DOK6: variants seen among roughly 807,000 people sequenced by gnomAD.
DOK6 encodes docking protein 6, also known as downstream of tyrosine kinase 6.
Under a neutral mutation model 44.0 loss-of-function variants are expected in DOK6, and 22 were observed. That is an observed-to-expected ratio of 0.50 (90% CI 0.36 to 0.71). The LOEUF (loss-of-function observed/expected upper bound fraction) is 0.71, where lower values mean the gene tolerates loss of function less well. Among genes scored for constraint, DOK6 ranks in the 30% least tolerant of loss-of-function variants. DOK6 has a pLI of 0.00. For missense variants in DOK6, 340 were observed against 416.4 expected (o/e 0.82, Z 1.60); for synonymous variants, 166 against 145.5 (o/e 1.14, Z -1.01).
chr18:69,512,332 CTTT>C (rs548031851), intron 1 of DOK6, among the ~76,000 whole-genome samples: 1 of 91,680 alleles, frequency 1.1e-5, no homozygotes, highest in Non-Finnish European at 2.0e-5. Context: ...CTTTCTTCTT[CTTT>C]TTTTTTTTTT....
chr18:69,581,674 C>T (rs1983372686), intron 2 of DOK6, among the ~76,000 whole-genome samples: 1 of 152,298 alleles, frequency 6.6e-6, no homozygotes, highest in African/African-American at 2.4e-5. Context: ...ATTTGTGACA[C>T]ATTACTTCCT....
intron 7 of DOK6, among the ~76,000 whole-genome samples, chr18:69,836,214 T>C (rs1982049403): frequency 6.6e-6 from 1 of 152,234 alleles, no homozygotes; most frequent in Admixed American, 6.5e-5. Context: ...TTTGGATTTT[T>C]TATGATACAG....
intron 1 of DOK6, among the ~76,000 whole-genome samples, chr18:69,408,621 G>A (rs1257726863): frequency 1.3e-5 from 2 of 152,158 alleles, no homozygotes; most frequent in Admixed American, 6.5e-5. Flanking sequence ...TGAAAGGTGA[G>A]TTCATTTAAA....
At chr18:69,711,112 T>C (rs528379906) in intron 5 of DOK6, among the ~76,000 whole-genome samples, 24 of 152,330 alleles carry the variant, frequency 1.6e-4, no homozygotes, top group African/African-American at 5.3e-4. Context: ...TTTCCATATA[T>C]GGCACCTGGA....
chr18:69,544,589 A>G (rs1382341839), intron 1 of DOK6, among the ~76,000 whole-genome samples: 1 of 151,590 alleles, frequency 6.6e-6, no homozygotes, highest in East Asian at 1.9e-4. Flanking sequence ...GAAGTTTTAA[A>G]GAGAATATAG....
At chr18:69,779,835 C>T (rs149634288) in intron 7 of DOK6, among the ~76,000 whole-genome samples, 222 of 151,996 alleles carry the variant, frequency 1.5e-3, no homozygotes, top group Non-Finnish European at 2.7e-3. Flanking sequence ...GATCATGCAA[C>T]ACCTCTGATG....
At chr18:69,697,397 A>G (rs12962540) in intron 4 of DOK6, among the ~76,000 whole-genome samples, 14,049 of 151,122 alleles carry the variant, frequency 0.093, 952 homozygotes, top group African/African-American at 0.19. Flanking sequence ...TATATCTGCC[A>G]GTAATTCTTA....
chr18:69,708,222 G>A (rs561925593), intron 5 of DOK6, among the ~76,000 whole-genome samples: 1 of 152,266 alleles, frequency 6.6e-6, no homozygotes, highest in East Asian at 1.9e-4. Context: ...TGACTCTGTG[G>A]AGGATATTTT....
In DOK6 at chr18:69,401,192, C is replaced by T; in HGVS notation, c.-53C>T. 1 of 1,501,544 alleles carries T rather than the reference C, an allele frequency of 6.7e-7. No homozygotes were observed. 93.0% of individuals were successfully genotyped at this position (1,501,544 alleles called of 1,614,324 possible). A position where few individuals can be genotyped will look rare whatever the true frequency, so the allele number is the denominator to read the frequency against. ...GCGCAGACCCGGCGGCGGACGGCGG[C>T]TCTCGACTCCGGAGAGCGGATCGCG... On this transcript the variant is annotated 5_prime_UTR_variant, in exon 1 of 8. Transcript: ENST00000382713.
At chr18:69,650,551 A>G (rs983982842) in intron 3 of DOK6, among the ~76,000 whole-genome samples, 4 of 152,188 alleles carry the variant, frequency 2.6e-5, no homozygotes, top group African/African-American at 9.7e-5. Flanking sequence ...TAATTATGTT[A>G]ATTTTCCAAC....
At chr18:69,504,161 A>G (rs1981121696) in intron 1 of DOK6, among the ~76,000 whole-genome samples, 1 of 152,074 alleles carries the variant, frequency 6.6e-6, no homozygotes, top group South Asian at 2.1e-4. Context: ...TTGTCTAGGC[A>G]GCTAGATGAG....
intron 3 of DOK6, among the ~76,000 whole-genome samples, chr18:69,650,636 A>G (rs1985199679): frequency 6.6e-6 from 1 of 152,210 alleles, no homozygotes; most frequent in Non-Finnish European, 1.5e-5. Flanking sequence ...TTGCTGTTCA[A>G]CGGGTGTAAA....
chr18:69,711,178 AAT>A (rs1359345781), intron 5 of DOK6, among the ~76,000 whole-genome samples: 2 of 152,234 alleles, frequency 1.3e-5, no homozygotes, highest in East Asian at 3.8e-4. Flanking sequence ...AAAGAAAACA[AAT>A]GCACAGAGAT....
chr18:69,612,011 T>C (rs1442290099), intron 3 of DOK6, among the ~76,000 whole-genome samples: 3 of 152,128 alleles, frequency 2.0e-5, no homozygotes. Context: ...CAGTGGACTA[T>C]CAATGTCAAC....
intron 1 of DOK6, among the ~76,000 whole-genome samples, chr18:69,429,895 T>A (rs1051737411): frequency 3.3e-5 from 5 of 152,008 alleles, no homozygotes; most frequent in Admixed American, 1.3e-4. Flanking sequence ...CTATTCATTA[T>A]CATTATGAAA....
intron 7 of DOK6, among the ~76,000 whole-genome samples, chr18:69,791,536 G>A (rs1980597957): frequency 6.6e-6 from 1 of 152,110 alleles, no homozygotes; most frequent in South Asian, 2.1e-4. Flanking sequence ...ACACCTGTTT[G>A]CCATTCGTAT....
intron 4 of DOK6, among the ~76,000 whole-genome samples, chr18:69,683,995 G>T (rs532300049): frequency 2.6e-5 from 4 of 152,262 alleles, no homozygotes; most frequent in East Asian, 1.9e-4. Flanking sequence ...ATCAGCAAAG[G>T]TTATTATCTA....
Position 69,402,610 on chromosome 18 carries a change from C to G in DOK6, c.66+1300C>G, listed in dbSNP as rs551013072. Among the ~76,000 whole-genome samples, 3 of 152,236 alleles carry G rather than the reference C, an allele frequency of 2.0e-5. No homozygotes were observed. In the South Asian group the frequency reaches 6.2e-4, roughly 32 times the overall value. The stretch of plus-strand genomic sequence containing the variant: ...TTGGTGCTGCCTCTGCTGGGTTTCG[C>G]ATTAAAGGTGCAGACTGTACCCCAA... On this transcript the variant is annotated intron_variant, in intron 1 of 7. Coordinates refer to ENST00000382713, the MANE Select transcript of DOK6 (RefSeq NM_152721.6).
rs764634905 is a variant in DOK6, at chr18:69,698,569, C to T, written c.575C>T (p.Thr192Met). 16 of 1,613,620 alleles carry T rather than the reference C, an allele frequency of 9.9e-6. No homozygotes were observed. Among genetic ancestry groups the T allele is most frequent in the African/African-American group, 4.0e-5 (3 of 74,890 alleles). The change falls in exon 5 of 8, where the codon ACG becomes ATG. Residue 192 changes from threonine (T) to methionine (M), a missense_variant. Transcript: ENST00000382713. ...CTGAGGAGATACGGTCGGGACTCAA[C>T]GTGGTTCACGTTTGAGTCAGGAAGG... Reference protein sequence around the residue: ...SSLRRYGRDSTWFTFESGRMC... With the variant: ...SSLRRYGRDSMWFTFESGRMC...
Sources: gnomAD v4.1 joint callset for allele counts (sites outside exome capture counted in the v4.1 genomes callset) on GRCh38, gnomAD v4.1.1 for gene constraint, MANE v1.5 for transcripts, NCBI Gene and HGNC (gene_info 2026-07-23, HGNC 2026-07-21) for gene names.